The following HDAC4 variants were observed in gnomAD, a reference collection of about 807,000 sequenced individuals.
HDAC4 encodes the protein histone deacetylase 4, also known as histone deacetylase A.
HDAC4 carries 16 observed loss-of-function variants against 135.1 expected under a neutral mutation model. The ratio of observed to expected loss-of-function variants is 0.12; its 90% CI spans 0.08 to 0.18. HDAC4 has a LOEUF of 0.18. Ranked by LOEUF, HDAC4 falls within the 10% of genes least tolerant of loss-of-function variation. The pLI is 1.00. For missense variants in HDAC4, 1,143 were observed against 1,511.8 expected (o/e 0.76, Z 4.05); for synonymous variants, 685 against 653.4 (o/e 1.05, Z -0.74).
At chr2:239,175,672 C>T (rs1434583504) in intron 5 of HDAC4, among the ~76,000 whole-genome samples, 1 of 152,178 alleles carries the variant, frequency 6.6e-6, no homozygotes, top group African/African-American at 2.4e-5. Context: ...CACTCTACAA[C>T]CTCACACCTG....
chr2:239,254,631 GA>G (rs1421926074), intron 2 of HDAC4, among the ~76,000 whole-genome samples: 2 of 152,124 alleles, frequency 1.3e-5, no homozygotes, highest in African/African-American at 4.8e-5. Context: ...GATAGGAAAA[GA>G]TAAAGGAGAG....
At chr2:239,310,796 C>T (rs1236658427) in intron 2 of HDAC4, among the ~76,000 whole-genome samples, 1 of 152,164 alleles carries the variant, frequency 6.6e-6, no homozygotes, top group Non-Finnish European at 1.5e-5. Context: ...ACTCAATGTC[C>T]AACACTTCCC....
chr2:239,344,500 G>A (rs1002165617), intron 2 of HDAC4, among the ~76,000 whole-genome samples: 4 of 151,988 alleles, frequency 2.6e-5, no homozygotes, highest in East Asian at 1.9e-4. Flanking sequence ...CTGAGTACTC[G>A]TGATTTTTAA....
chr2:239,315,798 A>G (rs1285422027), intron 2 of HDAC4, among the ~76,000 whole-genome samples: 1 of 152,256 alleles, frequency 6.6e-6, no homozygotes, highest in Non-Finnish European at 1.5e-5. Context: ...GAAACCGTAC[A>G]AGCACTCAAA....
At position 239,331,332 on chromosome 2, in the gene HDAC4, T is replaced by C. The variant is rs1691558525; in HGVS notation, c.22+21346A>G. On this transcript the variant is annotated intron_variant, in intron 2 of 26. Transcript: ENST00000543185. This position sits in a 1 kb window ranked among gnomAD's most constrained non-coding sequence, Gnocchi z 4.5. ...GGAAGACAAGCAGGAAGGGGTGGGG[T>C]GGCCCTGCCCACTGCATTTCTGGTC... Among the ~76,000 whole-genome samples the C allele has an allele frequency of 6.6e-6, 1 of 151,738 alleles. No homozygotes were observed. Among genetic ancestry groups the C allele is most frequent in the Non-Finnish European group, 1.5e-5 (1 of 67,940 alleles).
rs2039016840 is a variant in HDAC4 at position 239,115,137 on chromosome 2, C to G, written c.1707G>C (p.Glu569Asp). Residue 569 changes from glutamate to aspartate, a missense_variant, in exon 13 of 27, where the codon GAG (glutamate) becomes GAC (aspartate). Physicochemically the swap from Glu to Asp is conservative, Grantham distance 45. Around this residue, in one of 9 missense-constraint regions of HDAC4, gnomAD observed 196 missense variants for 210.7 expected, o/e 0.93. Transcript: ENST00000543185. This position sits in a 1 kb window ranked among gnomAD's most constrained non-coding sequence, Gnocchi z 6.3. ...AGVQVKQEPI[E>D]SDEEEAEPPR... ...GGGGCTCTGCCTCTTCCTCATCGCT[C>G]TCAATGGGCTCCTGCTTCACCTGCA... 7 of 1,611,890 alleles carry G rather than the reference C, an allele frequency of 4.3e-6. No individual in the cohort carries two copies. In the Admixed American group the frequency reaches 1.0e-4, roughly 23 times the overall value.
At chr2:239,187,391 C>A (rs646326) in intron 4 of HDAC4, among the ~76,000 whole-genome samples, 1 of 152,130 alleles carries the variant, frequency 6.6e-6, no homozygotes, top group East Asian at 1.9e-4. Context: ...GAGCCTATGG[C>A]GCAAAAACTA....
chr2:239,102,291 A>G (rs1466071512), intron 16 of HDAC4, among the ~76,000 whole-genome samples: 1 of 152,182 alleles, frequency 6.6e-6, no homozygotes, highest in Non-Finnish European at 1.5e-5. Flanking sequence ...GAGGATGCCC[A>G]TTAGAAAGTT....
intron 3 of HDAC4, among the ~76,000 whole-genome samples, chr2:239,227,682 G>A (rs2047319005): frequency 1.3e-5 from 2 of 152,208 alleles, no homozygotes; most frequent in Non-Finnish European, 2.9e-5. Flanking sequence ...AGGACAGGAG[G>A]GCATGCCTCG....
chr2:239,175,159 C>T lies in HDAC4; in HGVS notation c.490+1254G>A, dbSNP rs552336925. 1.6e-3 allele frequency among the ~76,000 whole-genome samples: 245 copies of T among 152,328 alleles called. 1 individual carries two copies. Among genetic ancestry groups the T allele is most frequent in the Non-Finnish European group, 2.8e-3 (190 of 68,034 alleles). Reference sequence around the variant, plus strand: ...AGCATGTAAGTCCTGGGCAGAAACTCGGAGTGTCTATGAAAGTCCCTTCAC... The same window carrying T: ...AGCATGTAAGTCCTGGGCAGAAACTTGGAGTGTCTATGAAAGTCCCTTCAC... On this transcript the variant is annotated intron_variant, in intron 5 of 26. Transcript: ENST00000543185.
rs1445486833 is a variant in HDAC4 at position 239,307,741 on chromosome 2, T to C, written c.22+44937A>G. 6.6e-6 allele frequency among the ~76,000 whole-genome samples: 1 copy of C among 152,148 alleles called. No individual in the cohort carries two copies. Among genetic ancestry groups the C allele is most frequent in the Non-Finnish European group, 1.5e-5 (1 of 68,026 alleles). On this transcript the variant is annotated intron_variant, in intron 2 of 26. Transcript: ENST00000543185. The surrounding 1 kb of genome is among the most constrained non-coding windows in gnomAD (Gnocchi z 4.8). ...TGCTGCTGGGATGATTTTCTTCAAG[T>C]TCTCTTTTAGAACAAGCAAAATGGA...
At position 239,300,462 on chromosome 2, in the gene HDAC4, T is replaced by C. The variant is rs186113155; in HGVS notation, c.22+52216A>G. ...TGACCAGTGGCTGCCCCGATGGGCA[T>C]TGCTGCTATGGACCATTTCCGCCAT... On this transcript the variant is annotated intron_variant, in intron 2 of 26. Transcript: ENST00000543185. Among the ~76,000 whole-genome samples, 205 of 152,322 alleles carry C rather than the reference T, an allele frequency of 1.3e-3. 6 individuals are homozygous for C. In the South Asian group the frequency reaches 0.037, roughly 28 times the overall value.
At chr2:239,064,970 C>T (rs2033278294) in intron 24 of HDAC4, among the ~76,000 whole-genome samples, 1 of 152,228 alleles carries the variant, frequency 6.6e-6, no homozygotes, top group South Asian at 2.1e-4. Flanking sequence ...CACACCAGAC[C>T]CCGCGAGCGC....
At chr2:239,194,891 C>T (rs12105700) in intron 3 of HDAC4, among the ~76,000 whole-genome samples, 4,958 of 152,300 alleles carry the variant, frequency 0.033, 256 homozygotes, top group African/African-American at 0.11. Flanking sequence ...CGCTGATCCG[C>T]CCCTGGCAGT....
chr2:239,089,242 C>T (rs1360384116), intron 18 of HDAC4, among the ~76,000 whole-genome samples: 1 of 152,224 alleles, frequency 6.6e-6, no homozygotes, highest in African/African-American at 2.4e-5. Flanking sequence ...TTCAACATGT[C>T]CCAAGAATGA....
intron 2 of HDAC4, among the ~76,000 whole-genome samples, chr2:239,282,259 TA>T: frequency 1.8e-5 from 2 of 111,550 alleles, no homozygotes; most frequent in African/African-American, 4.1e-5. Flanking sequence ...CACACCACTC[TA>T]CACACAATGT....
chr2:239,193,547 G>T (rs1309266330), intron 3 of HDAC4, among the ~76,000 whole-genome samples: 3 of 152,254 alleles, frequency 2.0e-5, no homozygotes. Flanking sequence ...GAGGGCAGGG[G>T]CTGCCTGAGC....
Position 239,299,523 on chromosome 2 carries a change from GCTGTACAA to G in HDAC4, c.22+53147_22+53154del, listed in dbSNP as rs59291861. On this transcript the variant is annotated intron_variant, in intron 2 of 26. Coordinates refer to ENST00000543185, the MANE Select transcript of HDAC4 (RefSeq NM_001378414.1). This position sits in a 1 kb window ranked among gnomAD's most constrained non-coding sequence, Gnocchi z 4.0. ...GGCAGGGCGAGTGGTGTTTATTACA[GCTGTACAA>G]CTGTACAACGGGAGGGCAGCGACAC... 0.17 allele frequency among the ~76,000 whole-genome samples: 25,606 copies of G among 152,030 alleles called. 3,106 individuals are homozygous for G. Among genetic ancestry groups the G allele is most frequent in the East Asian group, 0.5 (2,588 of 5,126 alleles).
chr2:239,234,783 C>T (rs1013807836), intron 3 of HDAC4, among the ~76,000 whole-genome samples: 1 of 152,242 alleles, frequency 6.6e-6, no homozygotes, highest in African/African-American at 2.4e-5. Flanking sequence ...CAGGTCTCGA[C>T]AGGCAGGGTG....
Sources: gnomAD v4.1 joint callset for allele counts (sites outside exome capture counted in the v4.1 genomes callset) on GRCh38, gnomAD v4.1.1 for gene constraint, gnomAD v4.1.1 regional missense constraint, Gnocchi (gnomAD v3.1) non-coding constraint, MANE v1.5 for transcripts, NCBI Gene and HGNC (gene_info 2026-07-23, HGNC 2026-07-21) for gene names.